The following UBR2 variants were observed in gnomAD, a reference collection of about 807,000 sequenced individuals.
UBR2 encodes ubiquitin protein ligase E3 component n-recognin 2.
UBR2 carries 92 observed loss-of-function variants against 247.9 expected under a neutral mutation model. That is an observed-to-expected ratio of 0.37 (90% CI 0.31 to 0.44). The LOEUF is 0.44. Ranked by LOEUF, UBR2 falls within the 20% of genes least tolerant of loss-of-function variation. The probability of loss-of-function intolerance (pLI) is 1.00; values close to 1 mark genes in which losing one functional copy is unlikely to be tolerated. For synonymous variants in UBR2, 672 were observed against 693.5 expected (o/e 0.97, Z 0.49); for missense variants, 1,613 against 2,112.6 (o/e 0.76, Z 4.64).
intron 22 of UBR2, among the ~76,000 whole-genome samples, chr6:42,649,255 C>T (rs1179288210): frequency 3.3e-5 from 5 of 152,276 alleles, no homozygotes; most frequent in African/African-American, 9.6e-5. Context: ...TGATCCAGCC[C>T]GCCTCGGCCT....
At chr6:42,630,091 G>A (rs866138106) in intron 11 of UBR2, among the ~76,000 whole-genome samples, 6 of 151,546 alleles carry the variant, frequency 4.0e-5, no homozygotes, top group South Asian at 4.2e-4. Context: ...CATTAGTAAT[G>A]AACCATCGTA....
intron 25 of UBR2, among the ~76,000 whole-genome samples, chr6:42,653,351 G>C (rs1797232718): frequency 1.3e-5 from 2 of 152,068 alleles, no homozygotes; most frequent in South Asian, 4.1e-4. Context: ...CCCAAGTATT[G>C]GGATTACATG....
At chr6:42,667,558 A>G (rs1798175874) in intron 34 of UBR2, among the ~76,000 whole-genome samples, 1 of 99,336 alleles carries the variant, frequency 1.0e-5, no homozygotes, top group Non-Finnish European at 2.0e-5. Flanking sequence ...GCGTATTAGA[A>G]TTATATTTCC....
intron 22 of UBR2, among the ~76,000 whole-genome samples, chr6:42,649,632 C>T (rs1049266545): frequency 3.3e-5 from 5 of 152,088 alleles, no homozygotes; most frequent in Admixed American, 2.6e-4. Flanking sequence ...TTTTAATTTG[C>T]GTTACTCTAA....
intron 7 of UBR2, 36 bp downstream of exon 7, chr6:42,606,687 A>G: frequency 1.3e-6 from 2 of 1,537,800 alleles, no homozygotes; most frequent in South Asian, 1.2e-5. Flanking sequence ...ATTATTTTTT[A>G]TTAGTTTAAA....
Position 42,665,596 on chromosome 6 carries a change from T to G in UBR2, c.3802+84T>G, listed in dbSNP as rs549810719. ...ATTTCCAGAAGAAGTTGTTTAAAAG[T>G]GAAACCTCCCATTTAAAATTTTGAC... is the stretch of plus-strand genomic sequence containing the variant. On this transcript the variant is annotated intron_variant, in intron 33 of 46. Coordinates refer to ENST00000372901, the MANE Select transcript of UBR2 (RefSeq NM_001363705.2). 8.8e-5 allele frequency: 95 copies of G among 1,074,746 alleles called. No homozygotes were observed. In the African/African-American group the frequency reaches 1.3e-3, roughly 15 times the overall value. The allele number at this position is 1,074,746 out of a possible 1,614,324, so 66.6% of individuals were successfully genotyped here. A position where few individuals can be genotyped will look rare whatever the true frequency, so the allele number is the denominator to read the frequency against.
At chr6:42,616,790 A>G (rs1395305358) in intron 10 of UBR2, among the ~76,000 whole-genome samples, 1 of 152,168 alleles carries the variant, frequency 6.6e-6, no homozygotes, top group Non-Finnish European at 1.5e-5. Context: ...GCTCTTTCAA[A>G]ATACATGTGT....
intron 2 of UBR2, 133 bp from the exon 3 acceptor site, chr6:42,592,018 A>G (rs961452633): frequency 1.5e-4 from 118 of 800,236 alleles, no homozygotes; most frequent in Admixed American, 4.4e-4. Context: ...TTTGGGAATG[A>G]TACTTCCTTT....
chr6:42,641,670 A>G lies in UBR2; in HGVS notation c.2009A>G (p.Asn670Ser). 1 of 1,609,930 alleles carries G rather than the reference A, an allele frequency of 6.2e-7. No individual in the cohort carries two copies. The highest frequency in any genetic ancestry group is 8.5e-7 in the Non-Finnish European group (1 of 1,178,498). The change falls in exon 17 of 47, where the codon AAT (asparagine) becomes AGT (serine). Residue 670 changes from asparagine (N) to serine (S), a missense_variant. By Grantham distance (46) the Asn-to-Ser change is conservative. Around this residue, in one of 3 missense-constraint regions of UBR2, gnomAD observed 1,524 missense variants for 1,967.3 expected, o/e 0.77. Coordinates refer to ENST00000372901, the MANE Select transcript of UBR2 (RefSeq NM_001363705.2). Reference protein sequence around the residue: ...AQVHAGMWRRNGFSLVNQIYY... With the variant: ...AQVHAGMWRRSGFSLVNQIYY... Reference sequence around the variant, plus strand: ...GTACATGCCGGAATGTGGAGAAGAAATGGGTTCTCTCTAGTAAACCAGGTA... The same window carrying G: ...GTACATGCCGGAATGTGGAGAAGAAGTGGGTTCTCTCTAGTAAACCAGGTA...
chr6:42,688,198 GT>G lies in UBR2; in HGVS notation c.4854-12del, dbSNP rs777353584. 3.1e-5 allele frequency: 50 copies of G among 1,614,118 alleles called. No individual in the cohort carries two copies. In the African/African-American group the frequency reaches 5.5e-4, roughly 18 times the overall value. On this transcript the variant is annotated splice_polypyrimidine_tract_variant and intron_variant, in intron 44 of 46. Coordinates refer to ENST00000372901, the MANE Select transcript of UBR2 (RefSeq NM_001363705.2). ...CACTCTTTAGATCAATGACTTGTGGGTTTTTTATCCCTTGGAGGTGCCCGAA... is the reference window on the plus strand; with the variant it reads ...CACTCTTTAGATCAATGACTTGTGGGTTTTTATCCCTTGGAGGTGCCCGAA...
chr6:42,648,959 T>G (rs1328552848), intron 22 of UBR2, among the ~76,000 whole-genome samples: 1 of 152,118 alleles, frequency 6.6e-6, no homozygotes, highest in Non-Finnish European at 1.5e-5. Flanking sequence ...GTTGTTGGTT[T>G]TATTGGGTTT....
chr6:42,689,014 T>C lies in UBR2; in HGVS notation c.5025-555T>C, dbSNP rs1799605311. Among the ~76,000 whole-genome samples the C allele has an allele frequency of 6.6e-6, 1 of 152,208 alleles. No individual in the cohort carries two copies. The highest frequency in any genetic ancestry group is 6.5e-5 in the Admixed American group (1 of 15,280). Reference sequence around the variant, plus strand: ...GATCAGGGAAGGCTTCCTAAGAACATGACTTCTGAGTAAAGACCTAAAGAA... The same window carrying C: ...GATCAGGGAAGGCTTCCTAAGAACACGACTTCTGAGTAAAGACCTAAAGAA... On this transcript the variant is annotated intron_variant, in intron 45 of 46. Transcript: ENST00000372901. The surrounding 1 kb of genome is among the most constrained non-coding windows in gnomAD (Gnocchi z 4.0).
chr6:42,680,889 G>A lies in UBR2; in HGVS notation c.4718+1057G>A, dbSNP rs578175134. Among the ~76,000 whole-genome samples, 40 of 151,588 alleles carry A rather than the reference G, an allele frequency of 2.6e-4. No individual in the cohort carries two copies. In the Middle Eastern group the frequency reaches 0.014, roughly 53 times the overall value. ...TTCAAGACCAGCCTGGGGCGGGGGC[G>A]CGGTGGCTCACGCCTGTAATCCGCA... On this transcript the variant is annotated intron_variant, in intron 42 of 46. Transcript: ENST00000372901.
At chr6:42,617,001 C>A (rs1395301615) in intron 10 of UBR2, among the ~76,000 whole-genome samples, 1 of 152,086 alleles carries the variant, frequency 6.6e-6, no homozygotes, top group East Asian at 1.9e-4. Flanking sequence ...GCTGTTACTG[C>A]CTATTTGGGC....
intron 4 of UBR2, among the ~76,000 whole-genome samples, chr6:42,598,613 A>G (rs1450857272): frequency 6.6e-6 from 1 of 152,202 alleles, no homozygotes. Flanking sequence ...TACCTCTCCC[A>G]TTTGAGAACC....
At chr6:42,578,298 AC>A (rs1384577276) in intron 2 of UBR2, among the ~76,000 whole-genome samples, 1 of 152,212 alleles carries the variant, frequency 6.6e-6, no homozygotes, top group Non-Finnish European at 1.5e-5. Flanking sequence ...CACAGCAAGA[AC>A]AGAATAGAGC....
At chr6:42,666,109 G>A (rs1411234465) in intron 33 of UBR2, 58 bp from the exon 34 acceptor site, 5 of 1,446,864 alleles carry the variant, frequency 3.5e-6, no homozygotes, top group South Asian at 1.3e-5. Context: ...CTATATGGCT[G>A]TACTTTTAGG....
intron 28 of UBR2, 93 bp downstream of exon 28, chr6:42,658,413 CACA>C: frequency 1.2e-5 from 8 of 664,942 alleles, no homozygotes; most frequent in Non-Finnish European, 1.5e-5. Flanking sequence ...GCCAGTTACT[CACA>C]ACATTTAAAT....
At position 42,678,559 on chromosome 6, in the gene UBR2, C is replaced by T. The variant is rs1199648772; in HGVS notation, c.4499C>T (p.Ser1500Phe). Residue 1500 changes from serine to phenylalanine, a missense_variant, in exon 41 of 47, where the codon TCC becomes TTC. Transcript: ENST00000372901. ...TTTAGTGCCTTGAAAGAAATACCAT[C>T]CGGCTGGCATCTGTGGAGGAGTGTC... is the stretch of plus-strand genomic sequence containing the variant. The part of the protein sequence containing the change: ...YTGSALKEIP[S>F]GWHLWRSVRA... 1 of 1,610,282 alleles carries T rather than the reference C, an allele frequency of 6.2e-7. No homozygotes were observed. Among genetic ancestry groups the T allele is most frequent in the African/African-American group, 1.3e-5 (1 of 74,670 alleles).
Sources: gnomAD v4.1 joint callset for allele counts (sites outside exome capture counted in the v4.1 genomes callset) on GRCh38, gnomAD v4.1.1 for gene constraint, gnomAD v4.1.1 regional missense constraint, Gnocchi (gnomAD v3.1) non-coding constraint, MANE v1.5 for transcripts, NCBI Gene and HGNC (gene_info 2026-07-23, HGNC 2026-07-21) for gene names.